DIP2B: variants seen among roughly 807,000 people sequenced by gnomAD.
DIP2B encodes DIP2 acetate--CoA ligase B (putative), also known as disco-interacting protein 2 homolog B.
DIP2B carries 76 observed loss-of-function variants against 198.0 expected under a neutral mutation model. The ratio of observed to expected loss-of-function variants is 0.38; its 90% confidence interval spans 0.32 to 0.46. The LOEUF is 0.46. Among genes scored for constraint, DIP2B ranks in the 20% least tolerant of loss-of-function variants. DIP2B has a pLI of 0.99. For missense variants in DIP2B, 1,559 were observed against 1,978.4 expected (o/e 0.79, Z 4.02); for synonymous variants, 701 against 739.1 (o/e 0.95, Z 0.84).
intron 35 of DIP2B, 50 bp from the exon 36 acceptor site, chr12:50,739,359 A>G (rs367641356): frequency 3.2e-6 from 5 of 1,572,428 alleles, no homozygotes; most frequent in African/African-American, 1.4e-5. Context: ...AAGAGAATTA[A>G]TACAGTTGTG....
At chr12:50,681,622 T>C (rs1234277288) in intron 9 of DIP2B, among the ~76,000 whole-genome samples, 1 of 152,214 alleles carries the variant, frequency 6.6e-6, no homozygotes, top group South Asian at 2.1e-4. Context: ...TTAATGACTT[T>C]CTAAATATGA....
chr12:50,578,337 C>T (rs1370279033), intron 1 of DIP2B, among the ~76,000 whole-genome samples: 3 of 144,292 alleles, frequency 2.1e-5, no homozygotes, highest in Non-Finnish European at 4.6e-5. Context: ...ATGTGTTACC[C>T]GTACATCTTT....
At chr12:50,721,907 T>G (rs1029718244) in intron 26 of DIP2B, among the ~76,000 whole-genome samples, 1 of 152,088 alleles carries the variant, frequency 6.6e-6, no homozygotes, top group African/African-American at 2.4e-5. Flanking sequence ...CTGAGCTTTT[T>G]AAAAATATTT....
At chr12:50,608,084 C>T (rs1329112516) in intron 1 of DIP2B, among the ~76,000 whole-genome samples, 1 of 152,174 alleles carries the variant, frequency 6.6e-6, no homozygotes, top group Non-Finnish European at 1.5e-5. Flanking sequence ...TGAGCCACTG[C>T]ACCGGGCCAC....
intron 12 of DIP2B, chr12:50,686,972 C>T (rs1939143023): frequency 4.1e-6 from 1 of 246,564 alleles, no homozygotes; most frequent in African/African-American, 2.3e-5. Flanking sequence ...GATGTACTGG[C>T]AGAGAAATTT....
chr12:50,549,072 C>T (rs1461549776), intron 1 of DIP2B, among the ~76,000 whole-genome samples: 3 of 151,774 alleles, frequency 2.0e-5, no homozygotes, highest in South Asian at 2.1e-4. Flanking sequence ...GAAACTATTC[C>T]GGAGTAGTGA....
chr12:50,657,223 C>CAAAAAAAAAAAAA (rs57903571), intron 3 of DIP2B: 1 of 107,046 alleles, frequency 9.3e-6, no homozygotes. Context: ...TCTCTATTTA[C>CAAAAAAAAAAAAA]AAAAAAAAAA....
chr12:50,656,135 T>A (rs527508960), intron 3 of DIP2B, among the ~76,000 whole-genome samples: 2 of 152,292 alleles, frequency 1.3e-5, no homozygotes, highest in African/African-American at 4.8e-5. Context: ...AATGGAGGTA[T>A]TAATATGAAC....
chr12:50,574,184 C>A (rs1958638335), intron 1 of DIP2B, among the ~76,000 whole-genome samples: 1 of 152,066 alleles, frequency 6.6e-6, no homozygotes, highest in African/African-American at 2.4e-5. Context: ...TAAAAAAAAT[C>A]TTGAATTATC....
At chr12:50,568,096 T>C (rs1220339638) in intron 1 of DIP2B, among the ~76,000 whole-genome samples, 3 of 152,200 alleles carry the variant, frequency 2.0e-5, no homozygotes, top group African/African-American at 7.2e-5. Flanking sequence ...TAGATTCCAG[T>C]GTCAGTTCAG....
rs768444856 is a variant in DIP2B, at chr12:50,727,714, A to C, written c.3412A>C (p.Arg1138=). Residue 1138 remains arginine, a synonymous_variant, in exon 29 of 38, where the codon AGG becomes CGG. Coordinates refer to ENST00000301180, the MANE Select transcript of DIP2B (RefSeq NM_173602.3). ...TCTTTTCATGGCAGATGATTTACCC[A>C]GGAAAAGGTTACCTCAGCTGTATAA... ...PTIIDTDDLP[R]KRLPQLYKPP... The C allele has an allele frequency of 3.5e-5, 56 of 1,613,850 alleles. No individual in the cohort carries two copies. The highest frequency in any genetic ancestry group is 2.5e-4 in the South Asian group (23 of 91,012).
chr12:50,682,421 C>T (rs982830042), intron 9 of DIP2B, among the ~76,000 whole-genome samples: 2 of 151,860 alleles, frequency 1.3e-5, no homozygotes, highest in South Asian at 2.1e-4. Flanking sequence ...GTCAGGAGAT[C>T]GATCGAGACC....
chr12:50,712,392 T>G (rs1939632587), intron 22 of DIP2B, among the ~76,000 whole-genome samples: 1 of 147,356 alleles, frequency 6.8e-6, no homozygotes. Context: ...TCACTTGAGA[T>G]CAGGAGTTCA....
At chr12:50,574,902 G>A (rs10876061) in intron 1 of DIP2B, among the ~76,000 whole-genome samples, 41,501 of 152,080 alleles carry the variant, frequency 0.27, 5,994 homozygotes, top group East Asian at 0.39. Flanking sequence ...TTGTCCTTAG[G>A]CAGTCCTCTT....
intron 7 of DIP2B, among the ~76,000 whole-genome samples, chr12:50,675,815 T>C (rs1007234847): frequency 2.6e-5 from 4 of 152,246 alleles, no homozygotes; most frequent in Admixed American, 1.3e-4. Flanking sequence ...TACTCTGTTT[T>C]CATATAATGT....
chr12:50,621,083 C>T (rs972041363), intron 1 of DIP2B, among the ~76,000 whole-genome samples: 1 of 152,198 alleles, frequency 6.6e-6, no homozygotes, highest in African/African-American at 2.4e-5. Flanking sequence ...AAAAATTGGA[C>T]AAGGTTGAAA....
At position 50,698,433 on chromosome 12, in the gene DIP2B, G is replaced by C; in HGVS notation, c.2154G>C (p.Leu718=). 6.2e-7 allele frequency: 1 copy of C among 1,613,954 alleles called. No homozygotes were observed. Among genetic ancestry groups the C allele is most frequent in the Non-Finnish European group, 8.5e-7 (1 of 1,179,906 alleles). Residue 718 remains leucine, a synonymous_variant, in exon 18 of 38, where the codon CTG becomes CTC. Transcript: ENST00000301180. ...RVNTEDKNSA[L]TVQDVGHVMP... is the part of the protein sequence containing the mutation. ...ATACTGAAGATAAAAATTCAGCACT[G>C]ACGGTCCAGGATGTAGGGCATGTAA...
At chr12:50,645,705 C>T (rs987284995) in intron 3 of DIP2B, among the ~76,000 whole-genome samples, 3 of 152,074 alleles carry the variant, frequency 2.0e-5, no homozygotes, top group Non-Finnish European at 4.4e-5. Flanking sequence ...GCAATCCTCC[C>T]GCCTTGGCCT....
At chr12:50,664,830 G>GGTTT (rs1938718323) in intron 4 of DIP2B, among the ~76,000 whole-genome samples, 2 of 99,686 alleles carry the variant, frequency 2.0e-5, no homozygotes, top group African/African-American at 8.3e-5. Context: ...TCCTTTTTTG[G>GGTTT]TTTTTGTTTT....
Sources: allele counts gnomAD v4.1 joint callset (sites outside exome capture counted in the v4.1 genomes callset), GRCh38; gene constraint gnomAD v4.1.1; transcripts MANE v1.5; gene names NCBI Gene and HGNC (gene_info 2026-07-23, HGNC 2026-07-21).